The following TEPSIN variants were observed in gnomAD, a reference collection of about 807,000 sequenced individuals.
TEPSIN encodes the protein AP-4 complex accessory subunit tepsin.
TEPSIN carries 50 observed loss-of-function variants against 48.5 expected under a neutral mutation model. The observed-to-expected ratio is 1.03, with a 90% CI of 0.82 to 1.31. The LOEUF (loss-of-function observed/expected upper bound fraction) is 1.31. TEPSIN is among the 50% of genes most tolerant of loss of function. The probability of loss-of-function intolerance (pLI) is 0.00; values close to 1 mark genes in which losing one functional copy is unlikely to be tolerated. For missense variants in TEPSIN, 838 were observed against 815.9 expected (o/e 1.03, Z -0.33); for synonymous variants, 392 against 358.8 (o/e 1.09, Z -1.05).
chr17:81,231,141 AGAT>A, intron 11 of TEPSIN: 1 of 566,866 alleles, frequency 1.8e-6, no homozygotes, highest in East Asian at 3.0e-5. Context: ...ACACACACAC[AGAT>A]GTGTGCATAC....
At chr17:81,229,597 G>GGT in intron 12 of TEPSIN, 121 bp from the exon 13 acceptor site, 1 of 1,062,608 alleles carries the variant, frequency 9.4e-7, no homozygotes, top group South Asian at 1.5e-5. Flanking sequence ...GCCACCTCTG[G>GGT]GCAGGACACC....
chr17:81,228,725 C>A lies in TEPSIN; in HGVS notation c.*203G>T. On this transcript the variant is annotated 3_prime_UTR_variant, in exon 13 of 13. Transcript: ENST00000637944. ...GAGATCGACATTTCTGAAGCCCTGCCACCTGCCATCCCTCGTAGGGATTCA... is the reference window on the plus strand; with the variant it reads ...GAGATCGACATTTCTGAAGCCCTGCAACCTGCCATCCCTCGTAGGGATTCA... 1.5e-6 allele frequency: 1 copy of A among 647,498 alleles called. No homozygotes were observed. The allele number at this position is 647,498 out of a possible 1,614,324, so 40.1% of individuals were successfully genotyped here.
rs1266687481 is a variant in TEPSIN at position 81,229,153 on chromosome 17, C to T, written c.1557G>A (p.Gly519=). 1.2e-6 allele frequency: 2 copies of T among 1,612,694 alleles called. No homozygotes were observed. The highest frequency in any genetic ancestry group is 3.3e-5 in the Admixed American group (2 of 59,908). Reference sequence around the variant, plus strand: ...GGCCTCTCTTTGGGCTGTCCGTGCCCCCTGGGATCCGTTCAGGTCTCCACC... The same window carrying T: ...GGCCTCTCTTTGGGCTGTCCGTGCCTCCTGGGATCCGTTCAGGTCTCCACC... ...SRRWRPERIP[G]GTDSPKRGPS... is the part of the protein sequence containing the mutation. The change falls in exon 13 of 13, where the codon GGG becomes GGA. Residue 519 remains glycine (G), a synonymous_variant. Coordinates refer to ENST00000637944, the MANE Select transcript of TEPSIN (RefSeq NM_001363764.2).
rs2062669017 is a variant in TEPSIN at position 81,233,765 on chromosome 17, G to A, written c.376-49C>T. ...CAGTGTCCTCACACCAGGGCCTGCT[G>A]TACTCACCCTGCCACCCATATCAGC... On this transcript the variant is annotated intron_variant, in intron 5 of 12. Transcript: ENST00000637944. This position sits in a 1 kb window ranked among gnomAD's most constrained non-coding sequence, Gnocchi z 5.8. 2 of 1,524,214 alleles carry A rather than the reference G, an allele frequency of 1.3e-6. No individual in the cohort carries two copies. The highest frequency in any genetic ancestry group is 1.8e-6 in the Non-Finnish European group (2 of 1,129,122). 94.4% of individuals were successfully genotyped at this position (1,524,214 alleles called of 1,614,324 possible). A position where few individuals can be genotyped will look rare whatever the true frequency, so the allele number is the denominator to read the frequency against.
In TEPSIN at chr17:81,233,715, T is replaced by A; in HGVS notation, c.377A>T (p.Asp126Val). The A allele has an allele frequency of 6.3e-7, 1 of 1,595,656 alleles. No individual in the cohort carries two copies. The highest frequency in any genetic ancestry group is 8.5e-7 in the Non-Finnish European group (1 of 1,173,478). ...GTCCGAGAACAGGGTGCTCCCCAAG[T>A]CCTACAGGGGGAGGCGAAGGCCCTC... ...LYQKVRAAAQ[D>V]LGSTLFSDTV... The change falls in exon 6 of 13, where the codon GAC becomes GTC. Residue 126 changes from aspartate (D) to valine (V), a missense_variant and splice_region_variant. By Grantham distance (152) the Asp-to-Val change is radical. Coordinates refer to ENST00000637944, the MANE Select transcript of TEPSIN (RefSeq NM_001363764.2). This position sits in a 1 kb window ranked among gnomAD's most constrained non-coding sequence, Gnocchi z 5.8.
At chr17:81,231,731 C>T (rs1467598379) in intron 9 of TEPSIN, 40 bp from the exon 10 acceptor site, 1 of 1,606,038 alleles carries the variant, frequency 6.2e-7, no homozygotes, top group Admixed American at 1.7e-5. Flanking sequence ...GAGTGGAGGC[C>T]ATGCCCCCAC....
At chr17:81,231,373 C>T (rs1005866226) in intron 11 of TEPSIN, 25 bp downstream of exon 11, 2 of 1,521,780 alleles carry the variant, frequency 1.3e-6, no homozygotes, top group Non-Finnish European at 1.8e-6. Flanking sequence ...ACAGTCACGC[C>T]CTCCCGCCCG....
rs2062518548 is a variant in TEPSIN, at chr17:81,228,801, G to C, written c.*127C>G. 8.8e-7 allele frequency: 1 copy of C among 1,138,442 alleles called. No homozygotes were observed. Among genetic ancestry groups the C allele is most frequent in the Non-Finnish European group, 1.3e-6 (1 of 798,262 alleles). 70.5% of individuals were successfully genotyped at this position (1,138,442 alleles called of 1,614,324 possible). A position where few individuals can be genotyped will look rare whatever the true frequency, so the allele number is the denominator to read the frequency against. On this transcript the variant is annotated 3_prime_UTR_variant, in exon 13 of 13. Coordinates refer to ENST00000637944, the MANE Select transcript of TEPSIN (RefSeq NM_001363764.2). ...AGAGGAGATGGGGGAAACTGAGGTA[G>C]CCCTAGGGTCGTCCTCTCAAGTCAA...
chr17:81,230,970 G>A lies in TEPSIN; in HGVS notation c.1099-292C>T. ...CAGAGCCATGTCCTCCCCGGCTCCT[G>A]GACAGACCCCAGCGAGAAGCACGTG... On this transcript the variant is annotated intron_variant, in intron 11 of 12. Coordinates refer to ENST00000637944, the MANE Select transcript of TEPSIN (RefSeq NM_001363764.2). The surrounding 1 kb of genome is among the most constrained non-coding windows in gnomAD (Gnocchi z 4.2). The A allele has an allele frequency of 2.0e-6, 1 of 497,068 alleles. No homozygotes were observed. The highest frequency in any genetic ancestry group is 3.4e-5 in the East Asian group (1 of 29,100). The allele number at this position is 497,068 out of a possible 1,614,324, so 30.8% of individuals were successfully genotyped here. A position where few individuals can be genotyped will look rare whatever the true frequency, so the allele number is the denominator to read the frequency against.
In TEPSIN at chr17:81,236,699, C is replaced by T. The variant is rs1417657242; in HGVS notation, c.307+9G>A. The stretch of plus-strand genomic sequence containing the variant: ...TGGCTCTTCCTGAGCGCGTGCGCGG[C>T]CCCTGTACCTGCAGCTTCCTGGATG... On this transcript the variant is annotated intron_variant, in intron 4 of 12. Coordinates refer to ENST00000637944, the MANE Select transcript of TEPSIN (RefSeq NM_001363764.2). 6.4e-7 allele frequency: 1 copy of T among 1,555,876 alleles called. No individual in the cohort carries two copies. The highest frequency in any genetic ancestry group is 8.7e-7 in the Non-Finnish European group (1 of 1,150,122).
At position 81,234,084 on chromosome 17, in the gene TEPSIN, G is replaced by T; in HGVS notation, c.308-36C>A. The T allele has an allele frequency of 6.5e-7, 1 of 1,546,474 alleles. No homozygotes were observed. Among genetic ancestry groups the T allele is most frequent in the Non-Finnish European group, 8.7e-7 (1 of 1,150,340 alleles). On this transcript the variant is annotated intron_variant, in intron 4 of 12. Transcript: ENST00000637944. The surrounding 1 kb of genome is among the most constrained non-coding windows in gnomAD (Gnocchi z 5.4). ...GAAAAGGCAAGTCGGGGGCAGGGCT[G>T]AGCCTGGCACCGCTGCTCCCTGTGG...
chr17:81,235,111 C>T (rs1332343421), intron 4 of TEPSIN, among the ~76,000 whole-genome samples: 10 of 152,290 alleles, frequency 6.6e-5, no homozygotes, highest in Admixed American at 5.9e-4. Flanking sequence ...AGATAACCTT[C>T]CCTCCTTCCA....
rs1372009708 is a variant in TEPSIN at position 81,230,788 on chromosome 17, T to C, written c.1099-110A>G. On this transcript the variant is annotated intron_variant, in intron 11 of 12. Coordinates refer to ENST00000637944, the MANE Select transcript of TEPSIN (RefSeq NM_001363764.2). The surrounding 1 kb of genome is among the most constrained non-coding windows in gnomAD (Gnocchi z 4.2). ...TCTTCCTCCTCATCAATGACTGGAG[T>C]GCCAGGAGGCCCCAGAGACAGCTCC... The C allele has an allele frequency of 1.8e-5, 24 of 1,367,514 alleles. No individual in the cohort carries two copies. The highest frequency in any genetic ancestry group is 3.0e-5 in the Admixed American group (1 of 33,390). The allele number at this position is 1,367,514 out of a possible 1,614,324, so 84.7% of individuals were successfully genotyped here.
chr17:81,237,096 G>A lies in TEPSIN; in HGVS notation c.122-25C>T, dbSNP rs746114372. ...TCTGCGGCACGCTCGGGTTAGGGAA[G>A]GGCGAGATGATGAGGGCTGCGCCAG... is the stretch of plus-strand genomic sequence containing the variant. On this transcript the variant is annotated intron_variant, in intron 2 of 12. Transcript: ENST00000637944. 17 of 1,562,834 alleles carry A rather than the reference G, an allele frequency of 1.1e-5. 1 individual carries two copies. The South Asian group carries it at 1.6e-4, about 15-fold the overall frequency.
chr17:81,230,887 C>A lies in TEPSIN; in HGVS notation c.1099-209G>T. On this transcript the variant is annotated intron_variant, in intron 11 of 12. Coordinates refer to ENST00000637944, the MANE Select transcript of TEPSIN (RefSeq NM_001363764.2). The surrounding 1 kb of genome is among the most constrained non-coding windows in gnomAD (Gnocchi z 4.2). The stretch of plus-strand genomic sequence containing the variant: ...AGCCCTGTCCTCACCACCTTACACC[C>A]CCGCTCCCAGACACCAGAGCCCTGT... The A allele has an allele frequency of 1.6e-6, 1 of 606,526 alleles. No homozygotes were observed. Among genetic ancestry groups the A allele is most frequent in the Non-Finnish European group, 2.7e-6 (1 of 369,964 alleles). The allele number at this position is 606,526 out of a possible 1,614,324, so 37.6% of individuals were successfully genotyped here.
chr17:81,230,593 T>G lies in TEPSIN; in HGVS notation c.1184A>C (p.Gln395Pro). 1 of 1,610,824 alleles carries G rather than the reference T, an allele frequency of 6.2e-7. No individual in the cohort carries two copies. The highest frequency in any genetic ancestry group is 8.5e-7 in the Non-Finnish European group (1 of 1,178,636). The change falls in exon 12 of 13, where the codon CAG becomes CCG. Residue 395 changes from glutamine (Q) to proline (P), a missense_variant. By Grantham distance (76) the Gln-to-Pro change is moderately conservative (BLOSUM62 -1). Transcript: ENST00000637944. The surrounding 1 kb of genome is among the most constrained non-coding windows in gnomAD (Gnocchi z 4.2). ...TCCCGGGCTGCCCATGCTGAGCTCC[T>G]GCAGCCACGGCCGGGTGCGGAGGAG... ...HILLRTRPWL[Q>P]ELSMGSPGPV... is the part of the protein sequence containing the mutation.
At chr17:81,238,954 G>A in intron 1 of TEPSIN, 32 bp downstream of exon 1, 2 of 1,427,206 alleles carry the variant, frequency 1.4e-6, no homozygotes, top group Non-Finnish European at 1.8e-6. Flanking sequence ...GGAGCCGTGG[G>A]ACCGGGGCCC....
intron 7 of TEPSIN, chr17:81,232,788 C>T (rs1598354381): frequency 4.4e-6 from 2 of 450,060 alleles, no homozygotes; most frequent in East Asian, 7.5e-5. Context: ...TGAAGGTGTC[C>T]TAAGGGGCTT....
At chr17:81,232,688 T>C in intron 7 of TEPSIN, 170 bp from the exon 8 acceptor site, 1 of 603,502 alleles carries the variant, frequency 1.7e-6, no homozygotes, top group East Asian at 2.9e-5. Context: ...AAGCTCCCAG[T>C]GGACTCCGCT....
Sources: allele counts gnomAD v4.1 joint callset (sites outside exome capture counted in the v4.1 genomes callset), GRCh38; gene constraint gnomAD v4.1.1; non-coding constraint Gnocchi (gnomAD v3.1); transcripts MANE v1.5; gene names NCBI Gene and HGNC (gene_info 2026-07-23, HGNC 2026-07-21).